The following STXBP6 variants were observed in gnomAD, a reference collection of about 807,000 sequenced individuals.
STXBP6 encodes syntaxin-binding protein 6.
Under a neutral mutation model 26.9 loss-of-function variants are expected in STXBP6, and 21 were observed. That is an observed-to-expected ratio of 0.78 (90% CI 0.55 to 1.12). The LOEUF (loss-of-function observed/expected upper bound fraction) is 1.12, where lower values mean the gene tolerates loss of function less well. Among genes scored for constraint, STXBP6 ranks in the 50% most tolerant of loss-of-function variants. The pLI is 0.00. For synonymous variants in STXBP6, 97 were observed against 92.6 expected, an observed-to-expected ratio of 1.05 and a Z score of -0.27; for missense variants, 232 against 257.9, an observed-to-expected ratio of 0.90 and a Z score of 0.69.
chr14:24,847,495 G>A (rs2069003081), intron 4 of STXBP6, among the ~76,000 whole-genome samples: 1 of 152,008 alleles, frequency 6.6e-6, no homozygotes, highest in African/African-American at 2.4e-5. Context: ...TCCTTCCTTC[G>A]AAAATGGTTG....
At chr14:24,984,224 C>CT (rs1228438979) in intron 1 of STXBP6, among the ~76,000 whole-genome samples, 1 of 152,094 alleles carries the variant, frequency 6.6e-6, no homozygotes, top group Non-Finnish European at 1.5e-5. Flanking sequence ...GAGTGAGACT[C>CT]TGTCTTAAAA....
rs1158816516 is a variant in STXBP6 at position 25,032,177 on chromosome 14, C to T, written c.-33+17701G>A. Among the ~76,000 whole-genome samples the T allele has an allele frequency of 5.3e-5, 8 of 152,140 alleles. No homozygotes were observed. In the East Asian group the frequency reaches 1.3e-3, roughly 26 times the overall value. On this transcript the variant is annotated intron_variant, in intron 1 of 5. Coordinates refer to ENST00000323944, the MANE Select transcript of STXBP6 (RefSeq NM_001394410.1). Reference sequence around the variant, plus strand: ...ACTTTGCGCATGGTCTCCAACACCGCGAAGGCATTCTATTCTGCAGAGAGA... The same window carrying T: ...ACTTTGCGCATGGTCTCCAACACCGTGAAGGCATTCTATTCTGCAGAGAGA...
At position 25,002,359 on chromosome 14, in the gene STXBP6, C is replaced by CTTTTTTTTTTTTTTTTTTTTT. The variant is rs747010332; in HGVS notation, c.-32-27510_-32-27509insAAAAAAAAAAAAAAAAAAAAA. On this transcript the variant is annotated intron_variant, in intron 1 of 5. Coordinates refer to ENST00000323944, the MANE Select transcript of STXBP6 (RefSeq NM_001394410.1). ...ATCCCATACAGTTAAATTCTTATGA[C>CTTTTTTTTTTTTTTTTTTTTT]TTTTTTTTTTTTTTTTTTGAGACAC... is the stretch of plus-strand genomic sequence containing the variant. 7.5e-3 allele frequency among the ~76,000 whole-genome samples: 904 copies of CTTTTTTTTTTTTTTTTTTTTT among 121,266 alleles called. 55 individuals carry two copies. Among genetic ancestry groups the CTTTTTTTTTTTTTTTTTTTTT allele is most frequent in the Middle Eastern group, 0.014 (3 of 220 alleles). 79.6% of individuals were successfully genotyped at this position (121,266 alleles called of 152,430 possible).
chr14:24,854,613 T>A (rs1011008914), intron 4 of STXBP6, among the ~76,000 whole-genome samples: 1 of 152,118 alleles, frequency 6.6e-6, no homozygotes, highest in African/African-American at 2.4e-5. Context: ...TGGGATTTCC[T>A]GGCCAACTTT....
chr14:24,968,991 T>C (rs972457445), intron 2 of STXBP6, among the ~76,000 whole-genome samples: 1 of 152,104 alleles, frequency 6.6e-6, no homozygotes, highest in Non-Finnish European at 1.5e-5. Flanking sequence ...CATCTGTACT[T>C]TGAGAAATTC....
chr14:24,912,706 C>G (rs978680370), intron 2 of STXBP6, among the ~76,000 whole-genome samples: 22 of 152,072 alleles, frequency 1.4e-4, no homozygotes, highest in Non-Finnish European at 2.9e-4. Context: ...GGCCCTCAGA[C>G]CATGCTATCT....
intron 2 of STXBP6, among the ~76,000 whole-genome samples, chr14:24,965,214 G>GA (rs796239988): frequency 2.0e-5 from 3 of 152,090 alleles, no homozygotes; most frequent in African/African-American, 7.2e-5. Context: ...GGGGAATGGG[G>GA]AAAAAATGTA....
At chr14:24,846,994 C>T (rs2068986574) in intron 4 of STXBP6, among the ~76,000 whole-genome samples, 1 of 152,158 alleles carries the variant, frequency 6.6e-6, no homozygotes, top group South Asian at 2.1e-4. Flanking sequence ...AAATTTCTAA[C>T]CTCTATTCCA....
chr14:24,865,528 T>G (rs935120395), intron 2 of STXBP6, among the ~76,000 whole-genome samples: 1 of 152,162 alleles, frequency 6.6e-6, no homozygotes, highest in African/African-American at 2.4e-5. Context: ...AGCTGAGTGA[T>G]TCCCATCATA....
At chr14:24,997,042 G>C (rs72682968) in intron 1 of STXBP6, among the ~76,000 whole-genome samples, 4 of 152,194 alleles carry the variant, frequency 2.6e-5, no homozygotes, top group Non-Finnish European at 5.9e-5. Flanking sequence ...CACTAATCTA[G>C]TTCAACCTCT....
intron 5 of STXBP6, chr14:24,815,718 C>T (rs2067953647): frequency 6.6e-6 from 1 of 152,112 alleles, no homozygotes; most frequent in Non-Finnish European, 1.5e-5. Context: ...TCTACTGACT[C>T]ACTGACTATG....
intron 4 of STXBP6, among the ~76,000 whole-genome samples, chr14:24,847,055 G>A (rs2068988633): frequency 6.6e-6 from 1 of 152,110 alleles, no homozygotes; most frequent in Admixed American, 6.5e-5. Context: ...ATTCTCATCT[G>A]CTCTCCAAAG....
intron 2 of STXBP6, among the ~76,000 whole-genome samples, chr14:24,874,988 G>T (rs2070082494): frequency 6.6e-6 from 1 of 152,154 alleles, no homozygotes. Context: ...ACAGGATTTG[G>T]CCTAGAAACT....
At chr14:24,888,498 C>G (rs1347996654) in intron 2 of STXBP6, among the ~76,000 whole-genome samples, 2 of 152,056 alleles carry the variant, frequency 1.3e-5, no homozygotes, top group Non-Finnish European at 2.9e-5. Context: ...CCGAGGTGGG[C>G]AGATCATGAG....
rs535058861 is a variant in STXBP6, at chr14:24,882,115, C to G, written c.155-24958G>C. ...GGGCTTTCGGCCGGGCGCGGTGGCT[C>G]ACGCCTGTAATCCCAGCACTTTGGG... On this transcript the variant is annotated intron_variant, in intron 2 of 5. Coordinates refer to ENST00000323944, the MANE Select transcript of STXBP6 (RefSeq NM_001394410.1). Among the ~76,000 whole-genome samples the G allele has an allele frequency of 9.9e-5, 15 of 151,888 alleles. No homozygotes were observed. The East Asian group carries it at 1.8e-3, about 18-fold the overall frequency.
At chr14:25,018,795 A>G (rs1435749486) in intron 1 of STXBP6, among the ~76,000 whole-genome samples, 1 of 152,190 alleles carries the variant, frequency 6.6e-6, no homozygotes, top group Non-Finnish European at 1.5e-5. Flanking sequence ...TTCTTAGTTT[A>G]TAAAATTCTT....
rs147778963 is a variant in STXBP6, at chr14:25,039,970, A to G, written c.-33+9908T>C. Among the ~76,000 whole-genome samples, 272 of 152,202 alleles carry G rather than the reference A, an allele frequency of 1.8e-3. 1 individual carries two copies. The highest frequency in any genetic ancestry group is 5.7e-3 in the African/African-American group (235 of 41,520). On this transcript the variant is annotated intron_variant, in intron 1 of 5. Transcript: ENST00000323944. ...GTGATCCGCCTGCCTCGGCCTCCCA[A>G]AGTGCTAGGATTACAGGCTTGAGCC...
At chr14:24,973,163 A>G (rs745980871) in intron 2 of STXBP6, among the ~76,000 whole-genome samples, 17 of 152,176 alleles carry the variant, frequency 1.1e-4, no homozygotes, top group African/African-American at 2.4e-5. Context: ...AAATTCTAGG[A>G]AAGTATTAGG....
intron 4 of STXBP6, 148 bp downstream of exon 4, chr14:24,855,788 C>A: frequency 4.7e-6 from 3 of 641,662 alleles, no homozygotes; most frequent in South Asian, 6.6e-5. Context: ...CAATAAACTC[C>A]CTGGAATGGT....
Sources: gnomAD v4.1 joint callset for allele counts (sites outside exome capture counted in the v4.1 genomes callset) on GRCh38, gnomAD v4.1.1 for gene constraint, MANE v1.5 for transcripts, NCBI Gene and HGNC (gene_info 2026-07-23, HGNC 2026-07-21) for gene names.